The following ELP2 variants were observed in gnomAD, a reference collection of about 807,000 sequenced individuals.
The protein encoded by ELP2 is elongator complex protein 2.
In ELP2, 90 loss-of-function variants were observed where a neutral mutation model predicts 119.2. That is an observed-to-expected ratio of 0.75 (90% CI 0.64 to 0.90). The LOEUF is 0.90. Ranked by LOEUF, ELP2 falls within the 40% of genes least tolerant of loss-of-function variation. The probability of loss-of-function intolerance (pLI) is 0.00; values close to 1 mark genes in which losing one functional copy is unlikely to be tolerated. For synonymous variants in ELP2, 339 were observed against 331.0 expected (o/e 1.02, Z -0.26); for missense variants, 921 against 967.8 (o/e 0.95, Z 0.64).
At chr18:36,170,292 G>T in intron 20 of ELP2, 96 bp downstream of exon 20, 2 of 1,426,032 alleles carry the variant, frequency 1.4e-6, no homozygotes, top group Middle Eastern at 1.9e-4. Context: ...CCTAGCCTCT[G>T]AGTTACTGTC....
At chr18:36,146,508 T>G in intron 11 of ELP2, 127 bp downstream of exon 11, 1 of 1,012,838 alleles carries the variant, frequency 9.9e-7, no homozygotes, top group Non-Finnish European at 1.5e-6. Flanking sequence ...GACATAACTT[T>G]TTTCTGTAGA....
At position 36,146,285 on chromosome 18, in the gene ELP2, A is replaced by C; in HGVS notation, c.1029A>C (p.Gly343=). Residue 343 remains glycine (G), a synonymous_variant, in exon 11 of 22, where the codon GGA becomes GGC. Transcript: ENST00000358232. The part of the protein sequence containing the change: ...RVGEVGGNTL[G]FYDCQFNEDG... Reference sequence around the variant, plus strand: ...GTGAAGTAGGTGGGAATACTTTGGGATTTTATGATTGCCAGTTCAATGAAG... The same window carrying C: ...GTGAAGTAGGTGGGAATACTTTGGGCTTTTATGATTGCCAGTTCAATGAAG... The C allele has an allele frequency of 3.7e-6, 6 of 1,614,056 alleles. No individual in the cohort carries two copies. Among genetic ancestry groups the C allele is most frequent in the Non-Finnish European group, 5.1e-6 (6 of 1,179,970 alleles).
At position 36,149,478 on chromosome 18, in the gene ELP2, G is replaced by GTTTTT. The variant is rs1239631733; in HGVS notation, c.1125+3101_1125+3102insTTTTT. ...TAGAAACATAGTTGCAGGGTTTTTT[G>GTTTTT]TTTTGTTTTGTTTTTTTTTTTTTTG... is the stretch of plus-strand genomic sequence containing the variant. On this transcript the variant is annotated intron_variant, in intron 11 of 21. Transcript: ENST00000358232. Among the ~76,000 whole-genome samples, 51 of 64,488 alleles carry GTTTTT rather than the reference G, an allele frequency of 7.9e-4. 1 individual carries two copies. Among genetic ancestry groups the GTTTTT allele is most frequent in the East Asian group, 1.8e-3 (5 of 2,820 alleles). 42.3% of individuals were successfully genotyped at this position (64,488 alleles called of 152,430 possible). A position where few individuals can be genotyped will look rare whatever the true frequency, so the allele number is the denominator to read the frequency against.
chr18:36,138,665 G>A, intron 4 of ELP2, 130 bp from the exon 5 acceptor site: 1 of 913,714 alleles, frequency 1.1e-6, no homozygotes, highest in Non-Finnish European at 1.8e-6. Flanking sequence ...CACATGGTCA[G>A]TGGGGGCTCA....
intron 1 of ELP2, among the ~76,000 whole-genome samples, chr18:36,131,173 C>CA (rs2089608354): frequency 2.0e-5 from 3 of 152,056 alleles, no homozygotes; most frequent in African/African-American, 7.2e-5. Flanking sequence ...GACCCTATCT[C>CA]AAAAAAACAT....
At chr18:36,150,664 T>C (rs1039851560) in intron 11 of ELP2, among the ~76,000 whole-genome samples, 1 of 152,236 alleles carries the variant, frequency 6.6e-6, no homozygotes, top group Non-Finnish European at 1.5e-5. Flanking sequence ...CTCTAGCTTC[T>C]ACCCTGCATT....
In ELP2 at chr18:36,142,351, A is replaced by G; in HGVS notation, c.655+4A>G. ...GGAGTGGAATGGGCAGCCTTTGGTC[A>G]GTATGAAATTTTGCTAATGCACATA... is the stretch of plus-strand genomic sequence containing the variant. On this transcript the variant is annotated splice_donor_region_variant and intron_variant, in intron 7 of 21. Coordinates refer to ENST00000358232, the MANE Select transcript of ELP2 (RefSeq NM_018255.4). 6.2e-7 allele frequency: 1 copy of G among 1,613,580 alleles called. No homozygotes were observed. Among genetic ancestry groups the G allele is most frequent in the Non-Finnish European group, 8.5e-7 (1 of 1,179,534 alleles).
chr18:36,166,318 G>GGTTTTTTTTT (rs1568022187), intron 18 of ELP2, among the ~76,000 whole-genome samples: 2 of 103,860 alleles, frequency 1.9e-5, no homozygotes, highest in Non-Finnish European at 2.0e-5. Flanking sequence ...TGTTTTTTAG[G>GGTTTTTTTTT]GTTTTTTTTT....
intron 12 of ELP2, among the ~76,000 whole-genome samples, chr18:36,155,311 T>G (rs1031401493): frequency 8.0e-6 from 1 of 124,946 alleles, no homozygotes; most frequent in East Asian, 2.8e-4. Flanking sequence ...CATGAGCCAC[T>G]GCAGCCGGCC....
Position 36,138,881 on chromosome 18 carries a change from C to A in ELP2, c.523+9C>A. 6.2e-7 allele frequency: 1 copy of A among 1,606,384 alleles called. No homozygotes were observed. The highest frequency in any genetic ancestry group is 8.5e-7 in the Non-Finnish European group (1 of 1,173,404). On this transcript the variant is annotated intron_variant, in intron 5 of 21. Coordinates refer to ENST00000358232, the MANE Select transcript of ELP2 (RefSeq NM_018255.4). ...TTTGCCAAATACTGATGGTGAGTAT[C>A]CTGTTAAGTATATGTTAAAAGGGCA...
At chr18:36,157,417 G>A (rs1419170316) in intron 13 of ELP2, among the ~76,000 whole-genome samples, 1 of 152,136 alleles carries the variant, frequency 6.6e-6, no homozygotes. Context: ...AGGGAAGAGA[G>A]AGAGAGCAAA....
intron 3 of ELP2, 73 bp from the exon 4 acceptor site, chr18:36,138,197 A>G: frequency 2.6e-6 from 4 of 1,514,474 alleles, no homozygotes; most frequent in Non-Finnish European, 2.7e-6. Context: ...TTTTATTGGC[A>G]CATTTATCCA....
Position 36,149,419 on chromosome 18 carries a change from T to A in ELP2, c.1125+3038T>A, listed in dbSNP as rs565508878. On this transcript the variant is annotated intron_variant, in intron 11 of 21. Transcript: ENST00000358232. Reference sequence around the variant, plus strand: ...GTGAAGGTACAACCGTACAACCCATTCCCGTCATGCCTTAGGAATTTTGAT... The same window carrying A: ...GTGAAGGTACAACCGTACAACCCATACCCGTCATGCCTTAGGAATTTTGAT... Among the ~76,000 whole-genome samples, 248 of 151,562 alleles carry A rather than the reference T, an allele frequency of 1.6e-3. 1 individual carries two copies. Among genetic ancestry groups the A allele is most frequent in the African/African-American group, 5.8e-3 (241 of 41,414 alleles).
intron 3 of ELP2, among the ~76,000 whole-genome samples, chr18:36,137,803 C>CAAAAAAAAAAAAAAAAAAAAAA (rs57722627): frequency 9.6e-6 from 1 of 103,698 alleles, no homozygotes; most frequent in Non-Finnish European, 1.9e-5. Flanking sequence ...ATATTATCAC[C>CAAAAAAAAAAAAAAAAAAAAAA]AAAAAAAAAA....
intron 13 of ELP2, 104 bp from the exon 14 acceptor site, chr18:36,158,731 G>A: frequency 1.3e-6 from 1 of 786,274 alleles, no homozygotes; most frequent in East Asian, 2.7e-5. Flanking sequence ...GCATTTATGA[G>A]CGTGACTTTT....
At chr18:36,138,231 C>A (rs762865739) in intron 3 of ELP2, 39 bp from the exon 4 acceptor site, 3 of 1,579,470 alleles carry the variant, frequency 1.9e-6, no homozygotes, top group East Asian at 2.4e-5. Context: ...AAAAAAAATC[C>A]TTTTTTTCAC....
chr18:36,150,753 CT>C (rs976423235), intron 11 of ELP2, among the ~76,000 whole-genome samples: 4 of 152,204 alleles, frequency 2.6e-5, no homozygotes, highest in African/African-American at 9.6e-5. Context: ...TACATGCTTT[CT>C]GTTTTACAGT....
intron 7 of ELP2, 49 bp from the exon 8 acceptor site, chr18:36,142,777 A>G (rs1371164961): frequency 7.7e-7 from 1 of 1,305,308 alleles, no homozygotes; most frequent in South Asian, 1.3e-5. Flanking sequence ...TTATACATAA[A>G]CTTCACAATA....
chr18:36,162,355 A>G (rs1296703426), intron 17 of ELP2, among the ~76,000 whole-genome samples: 2 of 152,110 alleles, frequency 1.3e-5, no homozygotes, highest in Admixed American at 1.3e-4. Flanking sequence ...TTCTTTCATC[A>G]TAATTGTTTG....
Sources: allele counts gnomAD v4.1 joint callset (sites outside exome capture counted in the v4.1 genomes callset), GRCh38; gene constraint gnomAD v4.1.1; transcripts MANE v1.5; gene names NCBI Gene and HGNC (gene_info 2026-07-23, HGNC 2026-07-21).